Variants in OXR1 observed in about 807,000 individuals in gnomAD.
OXR1 encodes oxidation resistance 1.
In OXR1, 41 loss-of-function variants were observed where a neutral mutation model predicts 104.6. That is an observed-to-expected ratio of 0.39 (90% CI 0.31 to 0.51). The LOEUF (loss-of-function observed/expected upper bound fraction) is 0.51, where lower values mean the gene tolerates loss of function less well. Among genes scored for constraint, OXR1 ranks in the 20% least tolerant of loss-of-function variants. OXR1 has a pLI of 0.77. For missense variants in OXR1, 955 were observed against 1,031.9 expected (o/e 0.93, Z 1.02); for synonymous variants, 348 against 348.4 (o/e 1.00, Z 0.01).
chr8:106,472,223 G>A (rs571840700), intron 2 of OXR1, among the ~76,000 whole-genome samples: 1 of 151,768 alleles, frequency 6.6e-6, no homozygotes, highest in Non-Finnish European at 1.5e-5. Flanking sequence ...TGGAATATAT[G>A]AGCCAGGATG....
At chr8:106,492,326 C>T (rs867534182) in intron 2 of OXR1, among the ~76,000 whole-genome samples, 1 of 152,174 alleles carries the variant, frequency 6.6e-6, no homozygotes, top group African/African-American at 2.4e-5. Flanking sequence ...ATAGTTAGCT[C>T]AGAAGGCCCT....
intron 3 of OXR1, among the ~76,000 whole-genome samples, chr8:106,638,213 C>A (rs1823319693): frequency 6.6e-6 from 1 of 152,098 alleles, no homozygotes; most frequent in Non-Finnish European, 1.5e-5. Context: ...TTTATGAATC[C>A]CACCATCCCT....
At chr8:106,552,959 C>A (rs1815966579) in intron 3 of OXR1, among the ~76,000 whole-genome samples, 1 of 152,150 alleles carries the variant, frequency 6.6e-6, no homozygotes, top group Non-Finnish European at 1.5e-5. Flanking sequence ...ATAACAAAGA[C>A]TGTTTTATTC....
chr8:106,563,029 A>G (rs1191773697), intron 3 of OXR1, among the ~76,000 whole-genome samples: 4 of 152,190 alleles, frequency 2.6e-5, no homozygotes, highest in African/African-American at 9.7e-5. Context: ...GCCAAAATGT[A>G]AAGACCATTG....
At chr8:106,656,660 C>T (rs1471367476) in intron 3 of OXR1, among the ~76,000 whole-genome samples, 2 of 152,090 alleles carry the variant, frequency 1.3e-5, no homozygotes, top group East Asian at 3.9e-4. Context: ...GTCCCTTTCC[C>T]ATAAACACCG....
chr8:106,347,573 C>T (rs796654916), intron 1 of OXR1, among the ~76,000 whole-genome samples: 9 of 152,214 alleles, frequency 5.9e-5, no homozygotes, highest in African/African-American at 2.2e-4. Context: ...GCAATAAACT[C>T]TACTAGGTTG....
chr8:106,281,748 A>T (rs1015965837), intron 1 of OXR1, among the ~76,000 whole-genome samples: 1 of 149,804 alleles, frequency 6.7e-6, no homozygotes, highest in Non-Finnish European at 1.5e-5. Context: ...TGCAGTAAGC[A>T]GAGATCGTGC....
chr8:106,395,425 C>A (rs1280578838), intron 2 of OXR1, among the ~76,000 whole-genome samples: 1 of 152,106 alleles, frequency 6.6e-6, no homozygotes, highest in African/African-American at 2.4e-5. Flanking sequence ...GCACTTCTTA[C>A]ATGGCAGCAG....
At chr8:106,562,177 A>C (rs912223463) in intron 3 of OXR1, among the ~76,000 whole-genome samples, 3 of 152,024 alleles carry the variant, frequency 2.0e-5, no homozygotes, top group African/African-American at 7.2e-5. Flanking sequence ...AAAATCCACC[A>C]GGCTAAAGGA....
intron 2 of OXR1, among the ~76,000 whole-genome samples, chr8:106,512,233 A>G (rs1812580103): frequency 6.6e-6 from 1 of 152,188 alleles, no homozygotes; most frequent in African/African-American, 2.4e-5. Context: ...TATGGATTCA[A>G]TTCCAGATAA....
chr8:106,710,382 A>T (rs918548562), intron 9 of OXR1, among the ~76,000 whole-genome samples: 7 of 151,926 alleles, frequency 4.6e-5, no homozygotes, highest in African/African-American at 1.7e-4. Context: ...TTTTTTTCTT[A>T]ATGTCCTTAG....
chr8:106,483,827 C>A (rs1027927339), intron 2 of OXR1, among the ~76,000 whole-genome samples: 5 of 151,942 alleles, frequency 3.3e-5, no homozygotes, highest in African/African-American at 1.2e-4. Flanking sequence ...GAACCAACCT[C>A]CCCCAGATAA....
At chr8:106,376,298 G>C (rs979440198) in intron 2 of OXR1, among the ~76,000 whole-genome samples, 2 of 152,156 alleles carry the variant, frequency 1.3e-5, no homozygotes, top group African/African-American at 4.8e-5. Context: ...TCAGATTCAT[G>C]TTCTGTCCTT....
chr8:106,593,730 C>A (rs1184785198), intron 3 of OXR1, among the ~76,000 whole-genome samples: 1 of 152,168 alleles, frequency 6.6e-6, no homozygotes, highest in Non-Finnish European at 1.5e-5. Context: ...GTGCAGAAAT[C>A]GCGCCACGGC....
chr8:106,600,217 G>A lies in OXR1; in HGVS notation c.221-78993G>A, dbSNP rs184080897. Among the ~76,000 whole-genome samples the A allele has an allele frequency of 2.4e-3, 364 of 152,274 alleles. 2 individuals are homozygous for A. Among genetic ancestry groups the A allele is most frequent in the African/African-American group, 8.3e-3 (347 of 41,564 alleles). Reference sequence around the variant, plus strand: ...TCACTTGTAAGTAATAGGAGTAATGGAAACCATGGGAATTTGAGAGCATAT... The same window carrying A: ...TCACTTGTAAGTAATAGGAGTAATGAAAACCATGGGAATTTGAGAGCATAT... On this transcript the variant is annotated intron_variant, in intron 3 of 16. Transcript: ENST00000517566.
rs117499111 is a variant in OXR1 at position 106,497,273 on chromosome 8, A to T, written c.24-21670A>T. Among the ~76,000 whole-genome samples, 719 of 152,356 alleles carry T rather than the reference A, an allele frequency of 4.7e-3. 20 individuals carry two copies. In the East Asian group the frequency reaches 0.053, roughly 11 times the overall value. ...TAACACTAAATTGACATATTGACTT[A>T]GAAAAGCCTGAGACCTATAATTTTT... On this transcript the variant is annotated intron_variant, in intron 2 of 16. Coordinates refer to ENST00000517566, the MANE Select transcript of OXR1 (RefSeq NM_001198533.2).
At chr8:106,475,834 A>G (rs1821776001) in intron 2 of OXR1, among the ~76,000 whole-genome samples, 1 of 151,918 alleles carries the variant, frequency 6.6e-6, no homozygotes, top group Non-Finnish European at 1.5e-5. Flanking sequence ...TGTGGTATTG[A>G]TTAGCTCTTT....
At chr8:106,491,152 T>A (rs1007620600) in intron 2 of OXR1, among the ~76,000 whole-genome samples, 3 of 152,214 alleles carry the variant, frequency 2.0e-5, no homozygotes, top group Non-Finnish European at 4.4e-5. Flanking sequence ...AGTCACAGAC[T>A]TTCTCTTGTC....
At chr8:106,693,972 A>G (rs1430346563) in intron 7 of OXR1, among the ~76,000 whole-genome samples, 1 of 152,000 alleles carries the variant, frequency 6.6e-6, no homozygotes, top group East Asian at 1.9e-4. Flanking sequence ...TTTTGCCCTA[A>G]ATATTGTTTT....
Sources: allele counts gnomAD v4.1 joint callset (sites outside exome capture counted in the v4.1 genomes callset), GRCh38; gene constraint gnomAD v4.1.1; transcripts MANE v1.5; gene names NCBI Gene and HGNC (gene_info 2026-07-23, HGNC 2026-07-21).